Variants in DNAH8 observed in about 807,000 individuals in gnomAD.
The protein encoded by DNAH8 is axonemal beta dynein heavy chain 8.
A neutral mutation model predicts 562.1 loss-of-function variants in DNAH8; 382 were observed. That is an observed-to-expected ratio of 0.68 (90% confidence interval 0.63 to 0.74). The LOEUF (loss-of-function observed/expected upper bound fraction) is 0.74, where lower values mean the gene tolerates loss of function less well. Ranked by LOEUF, DNAH8 falls within the 30% of genes least tolerant of loss-of-function variation. DNAH8 has a pLI of 0.00. For missense variants in DNAH8, 5,203 were observed against 5,620.4 expected (o/e 0.93, Z 2.37); for synonymous variants, 1,881 against 1,919.4 (o/e 0.98, Z 0.52).
intron 3 of DNAH8, among the ~76,000 whole-genome samples, chr6:38,725,930 C>T (rs1011663865): frequency 2.6e-5 from 4 of 152,192 alleles, no homozygotes; most frequent in Admixed American, 1.3e-4. Flanking sequence ...TAATGGTTTC[C>T]TTTCCCCAGT....
intron 88 of DNAH8, among the ~76,000 whole-genome samples, chr6:39,006,638 A>G (rs1765813914): frequency 6.6e-6 from 1 of 152,216 alleles, no homozygotes; most frequent in East Asian, 1.9e-4. Context: ...GTTTGCTTCC[A>G]TCAGGTGCCA....
At chr6:38,879,666 C>T (rs1051562169) in intron 53 of DNAH8, among the ~76,000 whole-genome samples, 3 of 152,202 alleles carry the variant, frequency 2.0e-5, no homozygotes, top group Non-Finnish European at 2.9e-5. Flanking sequence ...ACGTCTTTCT[C>T]ACCTCTATTC....
intron 77 of DNAH8, 103 bp downstream of exon 77, chr6:38,935,800 T>C: frequency 1.3e-6 from 1 of 786,564 alleles, no homozygotes; most frequent in African/African-American, 1.8e-5. Context: ...GAAATACTCA[T>C]GTTATCAATG....
chr6:38,826,318 G>T lies in DNAH8; in HGVS notation c.4010G>T (p.Arg1337Ile). Residue 1337 changes from arginine (R) to isoleucine (I), a missense_variant, in exon 29 of 93, where the codon AGA (arginine) becomes ATA (isoleucine). Physicochemically the swap from Arg to Ile is moderately conservative, Grantham distance 97. Around this residue, in one of 6 missense-constraint regions of DNAH8, gnomAD observed 2,176 missense variants for 2,365.1 expected, o/e 0.92. Transcript: ENST00000327475. The stretch of plus-strand genomic sequence containing the variant: ...CCTATTCGTGATTTAGATGATGTCA[G>T]ATTTGCAATGGAAGCCTTGTCTTGC... ...SRPIRDLDDV[R>I]FAMEALSCIR... The T allele has an allele frequency of 6.2e-7, 1 of 1,613,624 alleles. No individual in the cohort carries two copies. Among genetic ancestry groups the T allele is most frequent in the East Asian group, 2.2e-5 (1 of 44,852 alleles).
intron 8 of DNAH8, among the ~76,000 whole-genome samples, chr6:38,743,610 T>C (rs1289439424): frequency 6.6e-6 from 1 of 152,206 alleles, no homozygotes; most frequent in Non-Finnish European, 1.5e-5. Flanking sequence ...ACATTTTATA[T>C]AAATGGAATC....
Position 38,807,716 on chromosome 6 carries a change from G to C in DNAH8, c.3257G>C (p.Ser1086Thr). Residue 1086 changes from serine (S) to threonine (T), a missense_variant and splice_region_variant, in exon 24 of 93, where the codon AGC becomes ACC. Physicochemically the swap from Ser to Thr is moderately conservative, Grantham distance 58. Transcript: ENST00000327475. Reference protein sequence around the residue: ...DTMKRRIFVASLYGRKQSEDI... With the variant: ...DTMKRRIFVATLYGRKQSEDI... ...ATGAAAAGAAGAATATTTGTTGCAA[G>C]GCAAGTTGAAAATATGCTAATTATG... 1 of 1,498,458 alleles carries C rather than the reference G, an allele frequency of 6.7e-7. No individual in the cohort carries two copies. The highest frequency in any genetic ancestry group is 8.9e-7 in the Non-Finnish European group (1 of 1,120,832). 92.8% of individuals were successfully genotyped at this position (1,498,458 alleles called of 1,614,324 possible). A position where few individuals can be genotyped will look rare whatever the true frequency, so the allele number is the denominator to read the frequency against.
intron 41 of DNAH8, among the ~76,000 whole-genome samples, chr6:38,856,137 A>G (rs888105206): frequency 1.3e-5 from 2 of 152,044 alleles, no homozygotes; most frequent in Admixed American, 6.6e-5. Context: ...AGCCTCTAGT[A>G]TCCTCCATTC....
intron 13 of DNAH8, among the ~76,000 whole-genome samples, chr6:38,777,633 A>C (rs1171338320): frequency 6.6e-6 from 1 of 152,090 alleles, no homozygotes; most frequent in African/African-American, 2.4e-5. Context: ...GGTTCTTGCT[A>C]TGTTGCCCAA....
intron 22 of DNAH8, among the ~76,000 whole-genome samples, chr6:38,804,847 C>T (rs1771119453): frequency 6.9e-6 from 1 of 144,102 alleles, no homozygotes; most frequent in African/African-American, 2.6e-5. Context: ...GGATTTTGCC[C>T]CCAAGGGAAT....
chr6:38,872,879 G>A, intron 50 of DNAH8, 27 bp from the exon 51 acceptor site: 1 of 1,608,876 alleles, frequency 6.2e-7, no homozygotes, highest in Non-Finnish European at 8.5e-7. Flanking sequence ...CAAGTGAAAA[G>A]TGATTTTCTG....
At chr6:39,025,995 G>T (rs1478888984) in intron 91 of DNAH8, among the ~76,000 whole-genome samples, 1 of 152,198 alleles carries the variant, frequency 6.6e-6, no homozygotes, top group Non-Finnish European at 1.5e-5. Context: ...ACTGTATTAT[G>T]CACATTAAAA....
intron 53 of DNAH8, among the ~76,000 whole-genome samples, chr6:38,878,738 G>T (rs1778217447): frequency 1.3e-5 from 2 of 152,052 alleles, no homozygotes; most frequent in Non-Finnish European, 1.5e-5. Flanking sequence ...CAAATTTCTT[G>T]AAAGATATAA....
At chr6:38,960,262 A>G (rs1317549627) in intron 82 of DNAH8, among the ~76,000 whole-genome samples, 1 of 152,096 alleles carries the variant, frequency 6.6e-6, no homozygotes, top group Non-Finnish European at 1.5e-5. Context: ...AAAATAGACA[A>G]TTGGGATTAC....
In DNAH8 at chr6:39,015,968, C is replaced by T. The variant is rs981418236; in HGVS notation, c.13714+3331C>T. On this transcript the variant is annotated intron_variant, in intron 91 of 92. Transcript: ENST00000327475. ...CTCTTCCTGCACACTAATCACTTCT[C>T]TGCTCTCTTTTCATTCTCTTGACAT... is the stretch of plus-strand genomic sequence containing the variant. 2.0e-4 allele frequency among the ~76,000 whole-genome samples: 30 copies of T among 152,202 alleles called. 1 individual carries two copies.
chr6:38,899,720 A>G, intron 61 of DNAH8, 56 bp from the exon 62 acceptor site: 1 of 1,599,094 alleles, frequency 6.3e-7, no homozygotes, highest in South Asian at 1.1e-5. Flanking sequence ...TTAGTGCAAG[A>G]AAATGTAAAC....
At chr6:38,971,783 T>A in intron 83 of DNAH8, 118 bp downstream of exon 83, 3 of 676,680 alleles carry the variant, frequency 4.4e-6, no homozygotes, top group Non-Finnish European at 6.9e-6. Flanking sequence ...TGTTTATCAT[T>A]ACCTGTGAAT....
At chr6:38,963,500 G>A (rs375308129) in intron 82 of DNAH8, among the ~76,000 whole-genome samples, 41 of 131,108 alleles carry the variant, frequency 3.1e-4, no homozygotes, top group African/African-American at 1.1e-3. Context: ...AAGTAGCTGG[G>A]ATTACAGGCA....
At chr6:38,753,924 A>G (rs920005291) in intron 9 of DNAH8, among the ~76,000 whole-genome samples, 6 of 152,176 alleles carry the variant, frequency 3.9e-5, no homozygotes, top group South Asian at 2.1e-4. Flanking sequence ...CTTCCCACTC[A>G]TACACCCACT....
intron 82 of DNAH8, among the ~76,000 whole-genome samples, chr6:38,954,206 GC>G (rs1561910055): frequency 6.6e-6 from 1 of 152,176 alleles, no homozygotes; most frequent in East Asian, 1.9e-4. Flanking sequence ...TAGCACGAGA[GC>G]CTTTCTAGGA....
Sources: allele counts gnomAD v4.1 joint callset (sites outside exome capture counted in the v4.1 genomes callset), GRCh38; gene constraint gnomAD v4.1.1; regional missense constraint gnomAD v4.1.1; transcripts MANE v1.5; gene names NCBI Gene and HGNC (gene_info 2026-07-23, HGNC 2026-07-21).